The following MBOAT1 variants were observed in gnomAD, a reference collection of about 807,000 sequenced individuals.
The protein encoded by MBOAT1 is membrane bound glycerophospholipid O-acyltransferase 1.
MBOAT1 carries 67 observed loss-of-function variants against 64.4 expected under a neutral mutation model. That is an observed-to-expected ratio of 1.04 (90% confidence interval 0.85 to 1.27). The LOEUF (loss-of-function observed/expected upper bound fraction) is 1.27. Among genes scored for constraint, MBOAT1 ranks in the 50% most tolerant of loss-of-function variants. The pLI is 0.00. For missense variants in MBOAT1, 563 were observed against 604.6 expected (o/e 0.93, Z 0.72); for synonymous variants, 229 against 218.9 (o/e 1.05, Z -0.41).
intron 2 of MBOAT1, among the ~76,000 whole-genome samples, chr6:20,151,508 C>T (rs1275145232): frequency 2.0e-5 from 3 of 152,200 alleles, no homozygotes; most frequent in East Asian, 1.9e-4. Flanking sequence ...ATAAATGGAA[C>T]GCTTACACTT....
intron 11 of MBOAT1, among the ~76,000 whole-genome samples, 157 bp downstream of exon 11, chr6:20,112,719 T>A (rs2113634039): frequency 6.6e-6 from 1 of 152,316 alleles, no homozygotes; most frequent in South Asian, 2.1e-4. Context: ...ATTGAAGTAT[T>A]TCTCTAATGG....
chr6:20,184,880 AGTGTGTGTGTGT>A (rs58865791), intron 1 of MBOAT1, among the ~76,000 whole-genome samples: 3 of 142,866 alleles, frequency 2.1e-5, no homozygotes, highest in East Asian at 2.1e-4. Flanking sequence ...TTATAACTGC[AGTGTGTGTGTGT>A]GTGTGTGTGT....
At chr6:20,197,999 G>A (rs1285633969) in intron 1 of MBOAT1, among the ~76,000 whole-genome samples, 5 of 152,180 alleles carry the variant, frequency 3.3e-5, no homozygotes, top group African/African-American at 9.7e-5. Context: ...TCTGAGGCGG[G>A]TGAAACACTT....
In MBOAT1 at chr6:20,150,553, T is replaced by A. The variant is rs114844983; in HGVS notation, c.323+632A>T. 9.6e-3 allele frequency among the ~76,000 whole-genome samples: 1,455 copies of A among 151,238 alleles called. 33 individuals are homozygous for A. The highest frequency in any genetic ancestry group is 0.032 in the African/African-American group (1,318 of 41,052). ...ATACCGATCTTTCATTATTTTCTTT[T>A]TCTTTTTCCTTTTTTTTTTTTTTTT... On this transcript the variant is annotated intron_variant, in intron 3 of 12. Transcript: ENST00000324607.
intron 1 of MBOAT1, among the ~76,000 whole-genome samples, chr6:20,174,052 G>C (rs1376247229): frequency 2.0e-5 from 3 of 152,172 alleles, no homozygotes; most frequent in Admixed American, 6.5e-5. Context: ...TTCCTCACGA[G>C]ACAGTTATAA....
chr6:20,167,780 C>G (rs540603599), intron 1 of MBOAT1, among the ~76,000 whole-genome samples: 22 of 152,318 alleles, frequency 1.4e-4, no homozygotes, highest in Admixed American at 1.2e-3. Context: ...AGGAACCATG[C>G]AACTACTCTC....
chr6:20,208,952 A>G (rs914103802), intron 1 of MBOAT1, among the ~76,000 whole-genome samples: 2 of 152,236 alleles, frequency 1.3e-5, no homozygotes, highest in African/African-American at 4.8e-5. Flanking sequence ...TGTTTTGGCA[A>G]CTGAGTCAGT....
At chr6:20,144,373 A>C in intron 3 of MBOAT1, 58 bp from the exon 4 acceptor site, 1 of 1,077,736 alleles carries the variant, frequency 9.3e-7, no homozygotes, top group East Asian at 2.4e-5. Context: ...GCACTCAATT[A>C]ATGTTCCCCT....
chr6:20,208,437 C>T (rs1326606724), intron 1 of MBOAT1, among the ~76,000 whole-genome samples: 3 of 9,724 alleles, frequency 3.1e-4, no homozygotes, highest in Non-Finnish European at 1.1e-3. Context: ...CAGAGCTAGA[C>T]TCTGTCTCAA....
chr6:20,136,648 C>T (rs943610648), intron 4 of MBOAT1, among the ~76,000 whole-genome samples: 1 of 152,198 alleles, frequency 6.6e-6, no homozygotes, highest in African/African-American at 2.4e-5. Flanking sequence ...GCAAGAGGTA[C>T]AGGCAAGTAA....
At chr6:20,153,469 A>G (rs73729911) in intron 1 of MBOAT1, among the ~76,000 whole-genome samples, 2,524 of 152,244 alleles carry the variant, frequency 0.017, 72 homozygotes, top group African/African-American at 0.057. Context: ...GAGCTCCCTT[A>G]TTTGGTACCT....
At chr6:20,112,295 C>G (rs891731267) in intron 11 of MBOAT1, among the ~76,000 whole-genome samples, 2 of 152,010 alleles carry the variant, frequency 1.3e-5, no homozygotes, top group African/African-American at 4.8e-5. Context: ...GCAGAACAAT[C>G]TAGAGAAACT....
chr6:20,155,755 G>A (rs1353854376), intron 1 of MBOAT1, among the ~76,000 whole-genome samples: 1 of 152,158 alleles, frequency 6.6e-6, no homozygotes, highest in Non-Finnish European at 1.5e-5. Context: ...TCACCAATCA[G>A]AAACTACCTA....
At chr6:20,124,348 A>C in intron 8 of MBOAT1, 60 bp downstream of exon 8, 1 of 1,541,842 alleles carries the variant, frequency 6.5e-7, no homozygotes, top group South Asian at 1.2e-5. Flanking sequence ...CGTTCTGGCT[A>C]AGCCATTCAA....
intron 1 of MBOAT1, among the ~76,000 whole-genome samples, chr6:20,153,403 C>A (rs905442110): frequency 6.6e-6 from 1 of 152,200 alleles, no homozygotes; most frequent in Non-Finnish European, 1.5e-5. Context: ...TTCTCACCCC[C>A]AGCAGGACCC....
rs58966886 is a variant in MBOAT1 at position 20,102,114 on chromosome 6, C to CAAAAAAAAAAA, written c.*161_*171dup. The CAAAAAAAAAAA allele has an allele frequency of 4.1e-5, 4 of 97,252 alleles. No homozygotes were observed. The highest frequency in any genetic ancestry group is 2.8e-4 in the African/African-American group (4 of 14,538). The allele number at this position is 97,252 out of a possible 1,614,324, so 6.0% of individuals were successfully genotyped here. On this transcript the variant is annotated 3_prime_UTR_variant, in exon 13 of 13. Transcript: ENST00000324607. ...TGGGCGACAGAGCGAGACTCCGTCT[C>CAAAAAAAAAAA]AAAAAAAAAAAAAAAAAAAAAAAAA...
At chr6:20,199,599 C>A (rs1427414659) in intron 1 of MBOAT1, among the ~76,000 whole-genome samples, 1 of 152,148 alleles carries the variant, frequency 6.6e-6, no homozygotes, top group Non-Finnish European at 1.5e-5. Context: ...CTCTTTTTGT[C>A]CTTCCTTCCA....
chr6:20,152,335 A>AT (rs55994431), intron 2 of MBOAT1, among the ~76,000 whole-genome samples: 2 of 71,404 alleles, frequency 2.8e-5, no homozygotes, highest in African/African-American at 5.3e-5. Context: ...TCAAAAAAAA[A>AT]AAATAAAAAA....
At chr6:20,145,507 C>G (rs530397964) in intron 3 of MBOAT1, among the ~76,000 whole-genome samples, 91 of 152,310 alleles carry the variant, frequency 6.0e-4, no homozygotes, top group African/African-American at 2.0e-3. Context: ...ACCATATTCA[C>G]CTACTGTGTG....
Sources: gnomAD v4.1 joint callset for allele counts (sites outside exome capture counted in the v4.1 genomes callset) on GRCh38, gnomAD v4.1.1 for gene constraint, MANE v1.5 for transcripts, NCBI Gene and HGNC (gene_info 2026-07-23, HGNC 2026-07-21) for gene names.